The following PRDM2 variants were observed in gnomAD, a reference collection of about 807,000 sequenced individuals.
PRDM2 encodes the protein PR/SET domain 2.
PRDM2 carries 30 observed loss-of-function variants against 130.0 expected under a neutral mutation model. The ratio of observed to expected loss-of-function variants is 0.23; its 90% confidence interval spans 0.17 to 0.31. PRDM2 has a LOEUF of 0.31. Ranked by LOEUF, PRDM2 falls within the 10% of genes least tolerant of loss-of-function variation. The pLI is 1.00. For synonymous variants in PRDM2, 871 were observed against 782.4 expected, an observed-to-expected ratio of 1.11 and a Z score of -1.89; for missense variants, 2,011 against 2,108.4, an observed-to-expected ratio of 0.95 and a Z score of 0.90.
Position 13,808,912 on chromosome 1 carries a change from G to A in PRDM2, c.5037-7515G>A, listed in dbSNP as rs148197096. On this transcript the variant is annotated intron_variant, in intron 8 of 9. Coordinates refer to ENST00000311066, the MANE Select transcript of PRDM2 (RefSeq NM_001393986.1). ...TTGCCTCAAGAGGGCGACCACAGAA[G>A]CATCTCCAGAGCAGTGGTTCTCAAC... Among the ~76,000 whole-genome samples, 373 of 152,296 alleles carry A rather than the reference G, an allele frequency of 2.4e-3. 9 individuals carry two copies. In the East Asian group the frequency reaches 0.03, roughly 12 times the overall value.
chr1:13,788,981 G>C (rs868538970), intron 8 of PRDM2, among the ~76,000 whole-genome samples: 3 of 152,178 alleles, frequency 2.0e-5, no homozygotes, highest in Non-Finnish European at 4.4e-5. Flanking sequence ...CGCCCTCTAG[G>C]AGGAGATCTT....
rs1288866208 is a variant in PRDM2, at chr1:13,771,829, G to A, written c.512-1249G>A. The stretch of plus-strand genomic sequence containing the variant: ...TGTTAAGGTTATGTCTCAAATTTTT[G>A]TCAAAATCTGGTGGTGTTTTTTAGG... On this transcript the variant is annotated intron_variant, in intron 6 of 9. Transcript: ENST00000311066. This position sits in a 1 kb window ranked among gnomAD's most constrained non-coding sequence, Gnocchi z 4.1. 2.0e-5 allele frequency: 3 copies of A among 152,204 alleles called. No individual in the cohort carries two copies. Among genetic ancestry groups the A allele is most frequent in the Non-Finnish European group, 4.4e-5 (3 of 68,032 alleles). The allele number at this position is 152,204 out of a possible 1,614,324, so 9.4% of individuals were successfully genotyped here. A position where few individuals can be genotyped will look rare whatever the true frequency, so the allele number is the denominator to read the frequency against.
chr1:13,734,121 G>A (rs959653662), intron 4 of PRDM2, among the ~76,000 whole-genome samples: 2 of 152,184 alleles, frequency 1.3e-5, no homozygotes, highest in Non-Finnish European at 2.9e-5. Flanking sequence ...AACGGGGGGT[G>A]TCTTAGGAAA....
At position 13,816,450 on chromosome 1, in the gene PRDM2, G is replaced by T. The variant is rs746354799; in HGVS notation, c.5060G>T (p.Arg1687Leu). 7 of 1,614,012 alleles carry T rather than the reference G, an allele frequency of 4.3e-6. No homozygotes were observed. Among genetic ancestry groups the T allele is most frequent in the Non-Finnish European group, 5.9e-6 (7 of 1,180,030 alleles). Residue 1687 changes from arginine to leucine, a missense_variant, in exon 9 of 10, where the codon CGA becomes CTA. Transcript: ENST00000311066. ...AGCTACAGCCTCCGCTTGGCGTCCCGATGCTCTCCACCAGCGGCCCCGTAC... is the reference window on the plus strand; with the variant it reads ...AGCTACAGCCTCCGCTTGGCGTCCCTATGCTCTCCACCAGCGGCCCCGTAC... ...DFSYSLRLAS[R>L]CSPPAAPYIT...
At chr1:13,749,252 C>A in intron 5 of PRDM2, 109 bp from the exon 6 acceptor site, 1 of 1,064,876 alleles carries the variant, frequency 9.4e-7, no homozygotes, top group South Asian at 2.6e-5. Context: ...GCGCCGCCGA[C>A]AGCTGTTTGC....
chr1:13,769,597 T>C (rs1644312348), intron 6 of PRDM2, among the ~76,000 whole-genome samples: 1 of 152,198 alleles, frequency 6.6e-6, no homozygotes, highest in South Asian at 2.1e-4. Context: ...CTGATGGTTC[T>C]CATGAAGATT....
rs1645038859 is a variant in PRDM2 at position 13,803,407 on chromosome 1, G to C, written c.5037-13020G>C. On this transcript the variant is annotated intron_variant, in intron 8 of 9. Transcript: ENST00000311066. The surrounding 1 kb of genome is among the most constrained non-coding windows in gnomAD (Gnocchi z 6.2). The stretch of plus-strand genomic sequence containing the variant: ...CAACCGTGCTCTCCTGGTGCTCCCA[G>C]TCCAGTGGGGGAGCCAGGTGGGTAG... Among the ~76,000 whole-genome samples, 1 of 152,126 alleles carries C rather than the reference G, an allele frequency of 6.6e-6. No homozygotes were observed. Among genetic ancestry groups the C allele is most frequent in the Non-Finnish European group, 1.5e-5 (1 of 68,018 alleles).
chr1:13,768,183 T>G (rs1257448502), intron 6 of PRDM2, among the ~76,000 whole-genome samples: 1 of 147,474 alleles, frequency 6.8e-6, no homozygotes, highest in African/African-American at 2.5e-5. Flanking sequence ...GTTCACGCCA[T>G]TCTCCTGCCT....
intron 6 of PRDM2, among the ~76,000 whole-genome samples, chr1:13,766,557 A>G (rs1011932433): frequency 1.4e-4 from 22 of 152,334 alleles, no homozygotes; most frequent in Non-Finnish European, 1.2e-4. Flanking sequence ...GGCAGCAGGC[A>G]CAACCCACCT....
intron 6 of PRDM2, among the ~76,000 whole-genome samples, chr1:13,765,806 A>G (rs952472080): frequency 3.3e-5 from 5 of 152,182 alleles, no homozygotes; most frequent in Admixed American, 3.3e-4. Context: ...GCCATTATCC[A>G]TCGATTCCTC....
intron 7 of PRDM2, among the ~76,000 whole-genome samples, chr1:13,775,010 C>T (rs1464065267): frequency 6.6e-6 from 1 of 152,162 alleles, no homozygotes; most frequent in Non-Finnish European, 1.5e-5. Flanking sequence ...TCTTCACCCC[C>T]CAGTATTTGG....
At position 13,751,959 on chromosome 1, in the gene PRDM2, T is replaced by TCCTCC. The variant is rs201422071; in HGVS notation, c.511+2490_511+2494dup. On this transcript the variant is annotated intron_variant, in intron 6 of 9. Coordinates refer to ENST00000311066, the MANE Select transcript of PRDM2 (RefSeq NM_001393986.1). ...CTCTCCCCTCATCACCTTTCTTCTC[T>TCCTCC]CCTCCCCTCCCCTCCCCTCCCCATA... is the stretch of plus-strand genomic sequence containing the variant. Among the ~76,000 whole-genome samples, 828 of 151,420 alleles carry TCCTCC rather than the reference T, an allele frequency of 5.5e-3. 7 individuals carry two copies. Among genetic ancestry groups the TCCTCC allele is most frequent in the African/African-American group, 0.018 (719 of 41,034 alleles).
rs1336352785 is a variant in PRDM2 at position 13,779,926 on chromosome 1, A to G, written c.2131A>G (p.Ile711Val). The G allele has an allele frequency of 1.9e-6, 3 of 1,614,218 alleles. No individual in the cohort carries two copies. Among genetic ancestry groups the G allele is most frequent in the Non-Finnish European group, 2.5e-6 (3 of 1,180,030 alleles). The change falls in exon 8 of 10, where the codon ATA becomes GTA. Residue 711 changes from isoleucine (I) to valine (V), a missense_variant. Physicochemically the swap from Ile to Val is conservative, Grantham distance 29. Around this residue, in one of 5 missense-constraint regions of PRDM2, gnomAD observed 1,288 missense variants for 1,237.7 expected, o/e 1.04. Transcript: ENST00000311066. The surrounding 1 kb of genome is among the most constrained non-coding windows in gnomAD (Gnocchi z 4.9). ...TCCTGCAGGGATTTCAGCAACTGAAATAGCTAAATTAGGTCCTGTTTGTGT... is the reference window on the plus strand; with the variant it reads ...TCCTGCAGGGATTTCAGCAACTGAAGTAGCTAAATTAGGTCCTGTTTGTGT... Reference protein sequence around the residue: ...LTPAGISATEIAKLGPVCVSA... With the variant: ...LTPAGISATEVAKLGPVCVSA...
At chr1:13,822,343 C>T (rs1328819376) in intron 9 of PRDM2, among the ~76,000 whole-genome samples, 2 of 152,040 alleles carry the variant, frequency 1.3e-5, no homozygotes, top group Non-Finnish European at 2.9e-5. Context: ...CTGGAAGTTC[C>T]CAGTTGTGGA....
rs532749770 is a variant in PRDM2 at position 13,815,380 on chromosome 1, G to A, written c.5037-1047G>A. ...ACCCGCCTCAGCCTCCCAAAGTGCTGGGATTACAGGCATGAGCCACCGCAC... is the reference window on the plus strand; with the variant it reads ...ACCCGCCTCAGCCTCCCAAAGTGCTAGGATTACAGGCATGAGCCACCGCAC... On this transcript the variant is annotated intron_variant, in intron 8 of 9. Transcript: ENST00000311066. Among the ~76,000 whole-genome samples the A allele has an allele frequency of 3.7e-4, 56 of 152,274 alleles. No individual in the cohort carries two copies. In the South Asian group the frequency reaches 0.011, roughly 30 times the overall value.
At chr1:13,761,289 C>T (rs1413456909) in intron 6 of PRDM2, among the ~76,000 whole-genome samples, 1 of 152,152 alleles carries the variant, frequency 6.6e-6, no homozygotes. Context: ...TATCAGACAG[C>T]CCTGAAAGTA....
intron 5 of PRDM2, among the ~76,000 whole-genome samples, chr1:13,747,769 C>CAA (rs78988090): frequency 0.045 from 2,171 of 48,210 alleles, 36 homozygotes; most frequent in South Asian, 0.13. Flanking sequence ...TCCCTCCCCG[C>CAA]AAAAAAAAAA....
At position 13,780,723 on chromosome 1, in the gene PRDM2, T is replaced by C. The variant is rs779049178; in HGVS notation, c.2928T>C (p.Cys976=). 6 of 1,576,630 alleles carry C rather than the reference T, an allele frequency of 3.8e-6. No homozygotes were observed. In the Admixed American group the frequency reaches 1.0e-4, roughly 27 times the overall value. ...IPTDPSSPPP[C]PPVLTVATPP... Reference sequence around the variant, plus strand: ...CAGATCCCTCTTCCCCTCCACCCTGTCCCCCGGTATTAACTGTTGCCACTC... The same window carrying C: ...CAGATCCCTCTTCCCCTCCACCCTGCCCCCCGGTATTAACTGTTGCCACTC... The change falls in exon 8 of 10, where the codon TGT becomes TGC. Residue 976 remains cysteine, a synonymous_variant. Coordinates refer to ENST00000311066, the MANE Select transcript of PRDM2 (RefSeq NM_001393986.1).
chr1:13,804,760 T>G (rs1645062239), intron 8 of PRDM2, among the ~76,000 whole-genome samples: 1 of 152,126 alleles, frequency 6.6e-6, no homozygotes, highest in Admixed American at 6.5e-5. Flanking sequence ...CGGTTTAGTA[T>G]CCCCAGGGGA....
Sources: allele counts gnomAD v4.1 joint callset (sites outside exome capture counted in the v4.1 genomes callset), GRCh38; gene constraint gnomAD v4.1.1; regional missense constraint gnomAD v4.1.1; non-coding constraint Gnocchi (gnomAD v3.1); transcripts MANE v1.5; gene names NCBI Gene and HGNC (gene_info 2026-07-23, HGNC 2026-07-21).